Variants in FSTL4 observed in about 807,000 individuals in gnomAD.
The protein encoded by FSTL4 is follistatin like 4.
In FSTL4, 28 loss-of-function variants were observed where a neutral mutation model predicts 78.2. The ratio of observed to expected loss-of-function variants is 0.36; its 90% CI spans 0.27 to 0.49. The LOEUF (loss-of-function observed/expected upper bound fraction) is 0.49, where lower values mean the gene tolerates loss of function less well. Among genes scored for constraint, FSTL4 ranks in the 20% least tolerant of loss-of-function variants. The pLI, the probability that FSTL4 is intolerant of heterozygous loss-of-function variation, is 0.98. For missense variants in FSTL4, 922 were observed against 1,084.9 expected, an observed-to-expected ratio of 0.85 and a Z score of 2.11; for synonymous variants, 422 against 440.5, an observed-to-expected ratio of 0.96 and a Z score of 0.53.
chr5:133,640,296 T>A, the FSTL4 span, among the ~76,000 whole-genome samples: 1 of 152,188 alleles, frequency 6.6e-6, no homozygotes, highest in Non-Finnish European at 1.5e-5. Context: ...GAATGGGCCA[T>A]CTTAGATGCC....
chr5:133,669,673 A>T, the FSTL4 span, among the ~76,000 whole-genome samples: 19 of 152,204 alleles, frequency 1.2e-4, no homozygotes, highest in African/African-American at 4.3e-4. Context: ...ATCCACCCTC[A>T]CACACCAACT....
At chr5:133,388,479 T>C (rs1461988986) in intron 4 of FSTL4, 1 of 152,092 alleles carries the variant, frequency 6.6e-6, no homozygotes, top group African/African-American at 2.4e-5. Flanking sequence ...CCAGACAGTG[T>C]CTGAGACTCA....
chr5:133,686,036 G>A, the FSTL4 span, among the ~76,000 whole-genome samples: 1 of 152,162 alleles, frequency 6.6e-6, no homozygotes, highest in African/African-American at 2.4e-5. Flanking sequence ...GCATCTATGA[G>A]GCGCCCACAG....
chr5:133,546,086 T>C (rs1277973551), intron 3 of FSTL4, among the ~76,000 whole-genome samples: 2 of 152,218 alleles, frequency 1.3e-5, no homozygotes, highest in African/African-American at 2.4e-5. Context: ...TTCAGGCTAT[T>C]ATATGGCTAC....
At chr5:133,341,743 G>A (rs1182607955) in intron 4 of FSTL4, among the ~76,000 whole-genome samples, 3 of 152,138 alleles carry the variant, frequency 2.0e-5, no homozygotes, top group African/African-American at 7.2e-5. Flanking sequence ...GAAACCCTAG[G>A]TGTCAACCTT....
chr5:133,436,840 G>T (rs1194125823), intron 3 of FSTL4, among the ~76,000 whole-genome samples: 1 of 152,202 alleles, frequency 6.6e-6, no homozygotes, highest in Non-Finnish European at 1.5e-5. Context: ...ACAGATTCCA[G>T]GGGAGCAAGA....
At chr5:133,469,389 A>C (rs1028637998) in intron 3 of FSTL4, among the ~76,000 whole-genome samples, 4 of 152,178 alleles carry the variant, frequency 2.6e-5, no homozygotes, top group Middle Eastern at 3.2e-3. Flanking sequence ...AGCTGCATTG[A>C]GATGTGGCTT....
chr5:133,456,921 G>A (rs762942670), intron 3 of FSTL4, among the ~76,000 whole-genome samples: 12 of 152,114 alleles, frequency 7.9e-5, no homozygotes, highest in Non-Finnish European at 4.4e-5. Context: ...GTCCATTTGT[G>A]CCCTGCTGAC....
intron 3 of FSTL4, among the ~76,000 whole-genome samples, chr5:133,437,286 G>A (rs188907485): frequency 6.6e-6 from 1 of 152,144 alleles, no homozygotes; most frequent in African/African-American, 2.4e-5. Flanking sequence ...CAGAGCAGAG[G>A]TCTAAGTAGG....
At chr5:133,674,256 G>A in the FSTL4 span, among the ~76,000 whole-genome samples, 8 of 152,068 alleles carry the variant, frequency 5.3e-5, no homozygotes, top group East Asian at 1.9e-4. Flanking sequence ...CCTTTCCACC[G>A]AGTAAAATGC....
chr5:133,446,259 G>A (rs1045717409), intron 3 of FSTL4, among the ~76,000 whole-genome samples: 1 of 152,202 alleles, frequency 6.6e-6, no homozygotes, highest in African/African-American at 2.4e-5. Flanking sequence ...GGCCAACATG[G>A]CGAAACCCTG....
intron 6 of FSTL4, among the ~76,000 whole-genome samples, chr5:133,279,548 C>T (rs897891925): frequency 1.3e-5 from 2 of 152,174 alleles, no homozygotes; most frequent in Admixed American, 6.5e-5. Flanking sequence ...GGGTTGGCCA[C>T]GTGCACACAT....
At chr5:133,696,148 C>A in the FSTL4 span, among the ~76,000 whole-genome samples, 13 of 152,214 alleles carry the variant, frequency 8.5e-5, no homozygotes, top group Non-Finnish European at 1.8e-4. Flanking sequence ...TCCGTAGAAG[C>A]CTGCAGGGAG....
At chr5:133,381,454 C>A (rs1006748157) in intron 4 of FSTL4, among the ~76,000 whole-genome samples, 1 of 152,132 alleles carries the variant, frequency 6.6e-6, no homozygotes, top group South Asian at 2.1e-4. Flanking sequence ...AGAAAGTAAA[C>A]CATGTTGAGA....
At chr5:133,695,516 C>T in the FSTL4 span, among the ~76,000 whole-genome samples, 1 of 152,224 alleles carries the variant, frequency 6.6e-6, no homozygotes, top group Non-Finnish European at 1.5e-5. Flanking sequence ...CCCACTCAAG[C>T]AGTCCCCTCC....
chr5:133,697,450 T>G, the FSTL4 span, among the ~76,000 whole-genome samples: 9 of 152,162 alleles, frequency 5.9e-5, no homozygotes, highest in East Asian at 7.7e-4. Context: ...AATATACACA[T>G]TCATCCTCTC....
Position 133,401,235 on chromosome 5 carries a change from C to G in FSTL4, c.161-249G>C, listed in dbSNP as rs149176656. 3.9e-5 allele frequency among the ~76,000 whole-genome samples: 6 copies of G among 152,336 alleles called. No homozygotes were observed. The East Asian group carries it at 1.2e-3, about 29-fold the overall frequency. ...GCTGACTCACTCTGAACATCTGAAA[C>G]ACAACACCTTTCCAACCTAGGACCC... On this transcript the variant is annotated intron_variant, in intron 3 of 15. Coordinates refer to ENST00000265342, the MANE Select transcript of FSTL4 (RefSeq NM_015082.2).
At chr5:133,420,667 T>A (rs1227570289) in intron 3 of FSTL4, among the ~76,000 whole-genome samples, 4 of 152,110 alleles carry the variant, frequency 2.6e-5, no homozygotes, top group Non-Finnish European at 4.4e-5. Flanking sequence ...CCTGGTGTGG[T>A]CTGGAGCTGC....
At chr5:133,764,377 G>T in the FSTL4 span, among the ~76,000 whole-genome samples, 1 of 152,096 alleles carries the variant, frequency 6.6e-6, no homozygotes, top group Non-Finnish European at 1.5e-5. Context: ...TACACAGCGG[G>T]CCCGTATGAT....
Sources: allele counts gnomAD v4.1 joint callset (sites outside exome capture counted in the v4.1 genomes callset), GRCh38; gene constraint gnomAD v4.1.1; transcripts MANE v1.5; gene names NCBI Gene and HGNC (gene_info 2026-07-23, HGNC 2026-07-21).